Variants in ADAP1 observed in about 807,000 individuals in gnomAD.
The protein encoded by ADAP1 is arf-GAP with dual PH domain-containing protein 1.
Under a neutral mutation model 54.9 loss-of-function variants are expected in ADAP1, and 31 were observed. That is an observed-to-expected ratio of 0.56 (90% CI 0.42 to 0.76). The LOEUF (loss-of-function observed/expected upper bound fraction) is 0.76. Among genes scored for constraint, ADAP1 ranks in the 30% least tolerant of loss-of-function variants. The pLI is 0.00. For missense variants in ADAP1, 535 were observed against 512.4 expected (o/e 1.04, Z -0.42); for synonymous variants, 313 against 202.6 (o/e 1.55, Z -4.63).
At chr7:905,272 C>CAGGGGACACGGACAGGGGGAGACGGACG (rs1554271602) in intron 4 of ADAP1, 100 bp from the exon 5 acceptor site, 1 of 317,884 alleles carries the variant, frequency 3.1e-6, no homozygotes, top group African/African-American at 5.3e-5. Context: ...GGAGAAGACA[C>CAGGGGACACGGACAGGGGGAGACGGACG]GGGGGACACG....
chr7:952,310 G>A (rs1847291627), intron 1 of ADAP1, among the ~76,000 whole-genome samples: 2 of 152,212 alleles, frequency 1.3e-5, no homozygotes, highest in South Asian at 4.1e-4. Context: ...CCCAGGCCTG[G>A]CGTTCAGAGG....
rs577054535 is a variant in ADAP1 at position 919,612 on chromosome 7, G to A, written c.388+356C>T. On this transcript the variant is annotated intron_variant, in intron 4 of 10. Coordinates refer to ENST00000265846, the MANE Select transcript of ADAP1 (RefSeq NM_006869.4). ...AGAGAGAGGAAGAGAGACAGAGAAT[G>A]AGAGACAGACATGAAGAGAGAGTAA... 2.2e-5 allele frequency among the ~76,000 whole-genome samples: 3 copies of A among 138,914 alleles called. No individual in the cohort carries two copies. The South Asian group carries it at 7.3e-4, about 34-fold the overall frequency. 91.1% of individuals were successfully genotyped at this position (138,914 alleles called of 152,430 possible). A position where few individuals can be genotyped will look rare whatever the true frequency, so the allele number is the denominator to read the frequency against.
chr7:925,459 G>A (rs1430361148), intron 3 of ADAP1, among the ~76,000 whole-genome samples: 6 of 150,892 alleles, frequency 4.0e-5, no homozygotes, highest in Non-Finnish European at 8.9e-5. Flanking sequence ...CTTCCCTCCG[G>A]CCTCCCCTCC....
Position 920,866 on chromosome 7 carries a change from C to G in ADAP1, c.306-816G>C. The G allele has an allele frequency of 6.5e-7, 1 of 1,550,180 alleles. No homozygotes were observed. Among genetic ancestry groups the G allele is most frequent in the South Asian group, 1.2e-5 (1 of 84,068 alleles). ...CCAGGTGCACAGGCAGCCGCCCCAG[C>G]CTTTTCCACTCCCAGGGAATTACGC... is the stretch of plus-strand genomic sequence containing the variant. On this transcript the variant is annotated intron_variant, in intron 3 of 10. Coordinates refer to ENST00000265846, the MANE Select transcript of ADAP1 (RefSeq NM_006869.4). This position sits in a 1 kb window ranked among gnomAD's most constrained non-coding sequence, Gnocchi z 4.5.
chr7:949,408 C>T (rs1847216708), intron 1 of ADAP1, among the ~76,000 whole-genome samples: 1 of 152,262 alleles, frequency 6.6e-6, no homozygotes. Context: ...TTGGGGGATG[C>T]GGCTGGCTGC....
intron 1 of ADAP1, among the ~76,000 whole-genome samples, chr7:944,259 T>G (rs1847083744): frequency 6.8e-6 from 1 of 147,354 alleles, no homozygotes; most frequent in African/African-American, 2.5e-5. Flanking sequence ...TTTAACCTTT[T>G]TTTTTTTTTT....
chr7:929,913 G>A (rs957079262), intron 2 of ADAP1, among the ~76,000 whole-genome samples: 1 of 151,746 alleles, frequency 6.6e-6, no homozygotes, highest in Non-Finnish European at 1.5e-5. Context: ...GACCAGCCTG[G>A]GCAACATAGT....
At position 954,491 on chromosome 7, in the gene ADAP1, C is replaced by T. The variant is rs1251214749; in HGVS notation, c.-14G>A. ...CTCCTTGGCCATGGCCGCGATGCGC[C>T]CGCGATGCCGATGCCGGGGCCGGGG... On this transcript the variant is annotated 5_prime_UTR_variant, in exon 1 of 11. Transcript: ENST00000265846. 3.9e-6 allele frequency: 4 copies of T among 1,019,776 alleles called. No homozygotes were observed. The highest frequency in any genetic ancestry group is 1.7e-5 in the African/African-American group (1 of 57,330). 63.2% of individuals were successfully genotyped at this position (1,019,776 alleles called of 1,614,324 possible).
At chr7:954,764 C>A (rs1022927313), upstream of ADAP1, 25 of 950,266 alleles carry the variant, frequency 2.6e-5, no homozygotes, top group Admixed American at 4.4e-4. Context: ...GAGCGTGTGG[C>A]CTCCTCCCTC....
intron 3 of ADAP1, among the ~76,000 whole-genome samples, chr7:921,511 A>C (rs146323328): frequency 0.01 from 1,576 of 152,204 alleles, 32 homozygotes; most frequent in African/African-American, 0.037. Flanking sequence ...TAGAGGTGGG[A>C]GCTCACTCTG....
chr7:904,686 C>T (rs970548249), intron 5 of ADAP1, among the ~76,000 whole-genome samples: 1 of 152,230 alleles, frequency 6.6e-6, no homozygotes, highest in Non-Finnish European at 1.5e-5. Flanking sequence ...ACTGTTCTTG[C>T]CAATGTGTTT....
chr7:919,395 G>A (rs1846068873), intron 4 of ADAP1, among the ~76,000 whole-genome samples: 1 of 152,082 alleles, frequency 6.6e-6, no homozygotes, highest in Non-Finnish European at 1.5e-5. Flanking sequence ...CTTCAGGGCT[G>A]GACTGTAGAC....
intron 1 of ADAP1, among the ~76,000 whole-genome samples, chr7:951,588 A>T (rs950403646): frequency 6.6e-6 from 1 of 151,724 alleles, no homozygotes; most frequent in East Asian, 1.9e-4. Context: ...AAAAAAAATT[A>T]GCTGGGCATG....
chr7:905,655 AGAAAGGAGAAAGGAGAAAGG>A (rs1562912550), intron 4 of ADAP1: 7 of 33,536 alleles, frequency 2.1e-4, no homozygotes, highest in African/African-American at 1.1e-3. Context: ...AAGGGAAAGG[AGAAAGGAGAAAGGAGAAAGG>A]GAAAGGAGAA....
In ADAP1 at chr7:906,681, GGGACACGGGGGACAT is replaced by G. The variant is rs1360249636; in HGVS notation, c.389-1524_389-1510del. On this transcript the variant is annotated intron_variant, in intron 4 of 10. Transcript: ENST00000265846. ...GGGGCGGGAAAGGGGACATGGACAGGGGACACGGGGGACATGGACATGGGGGACGGGACATCGGGG... is the reference window on the plus strand; with the variant it reads ...GGGGCGGGAAAGGGGACATGGACAGGGGACATGGGGGACGGGACATCGGGG... Among the ~76,000 whole-genome samples, 211 of 85,346 alleles carry G rather than the reference GGGACACGGGGGACAT, an allele frequency of 2.5e-3. 3 individuals carry two copies. The highest frequency in any genetic ancestry group is 0.011 in the African/African-American group (187 of 16,582). The allele number at this position is 85,346 out of a possible 152,430, so 56.0% of individuals were successfully genotyped here.
chr7:920,837 C>A lies in ADAP1; in HGVS notation c.306-787G>T, dbSNP rs1307805563. ...CCACGACCCACACACAGGCCCGGCA[C>A]GGCCCAGGTGCACAGGCAGCCGCCC... On this transcript the variant is annotated intron_variant, in intron 3 of 10. Transcript: ENST00000265846. This position sits in a 1 kb window ranked among gnomAD's most constrained non-coding sequence, Gnocchi z 4.5. The A allele has an allele frequency of 2.6e-6, 4 of 1,550,224 alleles. No individual in the cohort carries two copies. The highest frequency in any genetic ancestry group is 2.7e-5 in the African/African-American group (2 of 73,146).
intron 1 of ADAP1, 42 bp from the exon 2 acceptor site, chr7:935,547 G>A: frequency 6.5e-7 from 1 of 1,550,234 alleles, no homozygotes; most frequent in Non-Finnish European, 8.7e-7. Context: ...TCAGCCCAGG[G>A]ACCCCGGAGG....
chr7:904,963 G>T, intron 5 of ADAP1, 97 bp downstream of exon 5: 3 of 1,044,256 alleles, frequency 2.9e-6, no homozygotes, highest in Non-Finnish European at 4.3e-6. Flanking sequence ...AGCAGGGAGG[G>T]CAGCTGCGGA....
At chr7:935,549 C>A (rs758734093) in intron 1 of ADAP1, 44 bp from the exon 2 acceptor site, 1 of 1,549,304 alleles carries the variant, frequency 6.5e-7, no homozygotes, top group Non-Finnish European at 8.7e-7. Context: ...AGCCCAGGGA[C>A]CCCGGAGGGA....
Sources: gnomAD v4.1 joint callset for allele counts (sites outside exome capture counted in the v4.1 genomes callset) on GRCh38, gnomAD v4.1.1 for gene constraint, Gnocchi (gnomAD v3.1) non-coding constraint, MANE v1.5 for transcripts, NCBI Gene and HGNC (gene_info 2026-07-23, HGNC 2026-07-21) for gene names.